The following CFTR variants were observed in gnomAD, a reference collection of about 807,000 sequenced individuals.
CFTR encodes CF transmembrane conductance regulator, also known as cystic fibrosis transmembrane conductance regulator.
Under a neutral mutation model 171.6 loss-of-function variants are expected in CFTR, and 181 were observed. The ratio of observed to expected loss-of-function variants is 1.05; its 90% CI spans 0.93 to 1.19. CFTR has a LOEUF of 1.19. CFTR is among the 50% of genes most tolerant of loss of function. CFTR has a pLI of 0.00. For missense variants in CFTR, 1,968 were observed against 1,734.7 expected (o/e 1.13, Z -2.39); for synonymous variants, 583 against 608.0 (o/e 0.96, Z 0.60).
Position 117,667,117 on chromosome 7 carries a change from A to G in CFTR, c.*9A>G, listed in dbSNP as rs751972142. On this transcript the variant is annotated 3_prime_UTR_variant, in exon 27 of 27. Coordinates refer to ENST00000003084, the MANE Select transcript of CFTR (RefSeq NM_000492.4). ...AAGATACAAGGCTTTAGAGAGCAGC[A>G]TAAATGTTGACATGGGACATTTGCT... 6.2e-7 allele frequency: 1 copy of G among 1,612,562 alleles called. No homozygotes were observed. The highest frequency in any genetic ancestry group is 8.5e-7 in the Non-Finnish European group (1 of 1,178,876).
At chr7:117,612,041 A>ATATATATATG (rs1792411132) in intron 20 of CFTR, among the ~76,000 whole-genome samples, 2 of 74,074 alleles carry the variant, frequency 2.7e-5, no homozygotes, top group Non-Finnish European at 5.6e-5. Context: ...ATATATATAT[A>ATATATATATG]TATATATATA....
At chr7:117,501,793 C>CAAAAAAAAAAAAAAAA (rs1798336773) in intron 1 of CFTR, among the ~76,000 whole-genome samples, 1 of 99,944 alleles carries the variant, frequency 1.0e-5, no homozygotes, top group African/African-American at 3.3e-5. Flanking sequence ...AAAAAAAAAA[C>CAAAAAAAAAAAAAAAA]AAAAAGCAAA....
At chr7:117,552,162 T>A (rs1348778226) in intron 10 of CFTR, among the ~76,000 whole-genome samples, 1 of 152,106 alleles carries the variant, frequency 6.6e-6, no homozygotes, top group East Asian at 1.9e-4. Flanking sequence ...TAGGTCTTAC[T>A]CTGTCACCCA....
chr7:117,509,492 T>C (rs564070249), intron 3 of CFTR, among the ~76,000 whole-genome samples: 1 of 152,172 alleles, frequency 6.6e-6, no homozygotes, highest in Admixed American at 6.6e-5. Context: ...CAGGAGACAA[T>C]GTCAGCAGAA....
At chr7:117,492,869 A>G (rs1318264211) in intron 1 of CFTR, among the ~76,000 whole-genome samples, 1 of 152,024 alleles carries the variant, frequency 6.6e-6, no homozygotes, top group East Asian at 1.9e-4. Flanking sequence ...ATTTCAATGC[A>G]TTTGAGGTTT....
intron 1 of CFTR, among the ~76,000 whole-genome samples, chr7:117,481,632 T>A (rs1001344360): frequency 9.2e-5 from 14 of 152,222 alleles, no homozygotes; most frequent in African/African-American, 3.4e-4. Context: ...AAGAGCATAC[T>A]CATTTCTGTT....
chr7:117,571,503 T>C (rs1192148158), intron 11 of CFTR, among the ~76,000 whole-genome samples: 1 of 152,094 alleles, frequency 6.6e-6, no homozygotes, highest in Non-Finnish European at 1.5e-5. Context: ...CTAAAAAGCT[T>C]TCAGAAACCA....
chr7:117,601,404 A>G lies in CFTR; in HGVS notation c.2620-1422A>G, dbSNP rs185037191. On this transcript the variant is annotated intron_variant, in intron 15 of 26. Transcript: ENST00000003084. The stretch of plus-strand genomic sequence containing the variant: ...GTAGGAAAGTGAGAAAAATGCCATT[A>G]GATTTTTCATCGTTATACTATCTGA... Among the ~76,000 whole-genome samples the G allele has an allele frequency of 7.3e-3, 1,105 of 152,254 alleles. 9 individuals are homozygous for G. The highest frequency in any genetic ancestry group is 0.01 in the Non-Finnish European group (707 of 67,980).
At chr7:117,579,445 C>T (rs1791819508) in intron 11 of CFTR, among the ~76,000 whole-genome samples, 2 of 151,780 alleles carry the variant, frequency 1.3e-5, no homozygotes, top group African/African-American at 4.8e-5. Flanking sequence ...AATCCTGGCT[C>T]TATCATCTAT....
At chr7:117,490,659 C>T (rs1302300809) in intron 1 of CFTR, among the ~76,000 whole-genome samples, 3 of 152,218 alleles carry the variant, frequency 2.0e-5, no homozygotes, top group African/African-American at 4.8e-5. Flanking sequence ...AACCATCACT[C>T]TCTGTAAGCA....
chr7:117,632,618 G>C (rs1289233926), intron 22 of CFTR, among the ~76,000 whole-genome samples: 1 of 151,988 alleles, frequency 6.6e-6, no homozygotes, highest in Non-Finnish European at 1.5e-5. Flanking sequence ...ACGCCATTAG[G>C]TATAAAGGAG....
chr7:117,506,386 A>G (rs1798417591), intron 2 of CFTR, among the ~76,000 whole-genome samples: 1 of 152,040 alleles, frequency 6.6e-6, no homozygotes, highest in Non-Finnish European at 1.5e-5. Flanking sequence ...AGCTGGGTTT[A>G]CAGGCACTCG....
chr7:117,572,515 A>G (rs2115976563), intron 11 of CFTR, among the ~76,000 whole-genome samples: 1 of 152,328 alleles, frequency 6.6e-6, no homozygotes, highest in Admixed American at 6.5e-5. Flanking sequence ...GTTGATAGAT[A>G]TCATACAGGG....
At chr7:117,522,519 T>C (rs1274404888) in intron 3 of CFTR, among the ~76,000 whole-genome samples, 1 of 152,250 alleles carries the variant, frequency 6.6e-6, no homozygotes, top group African/African-American at 2.4e-5. Context: ...TCTTCTATTA[T>C]TGAAGTGAGC....
At chr7:117,612,045 A>ATG (rs1792412422) in intron 20 of CFTR, among the ~76,000 whole-genome samples, 2 of 73,344 alleles carry the variant, frequency 2.7e-5, no homozygotes, top group South Asian at 3.9e-4. Context: ...ATATATATAT[A>ATG]TATATATACA....
intron 1 of CFTR, among the ~76,000 whole-genome samples, chr7:117,491,022 G>A (rs1182772311): frequency 1.3e-5 from 2 of 151,940 alleles, no homozygotes; most frequent in African/African-American, 4.8e-5. Context: ...CAATTTTATC[G>A]TTGTGAGAAT....
intron 20 of CFTR, among the ~76,000 whole-genome samples, chr7:117,613,539 T>C (rs1303806166): frequency 6.6e-6 from 1 of 152,160 alleles, no homozygotes; most frequent in Non-Finnish European, 1.5e-5. Flanking sequence ...TCCAAAACAC[T>C]TAGTATAGTG....
At chr7:117,544,429 C>T (rs1462953278) in intron 9 of CFTR, among the ~76,000 whole-genome samples, 2 of 152,146 alleles carry the variant, frequency 1.3e-5, no homozygotes, top group African/African-American at 2.4e-5. Context: ...ATCTGTTCAC[C>T]CCCAGTAGAT....
chr7:117,498,605 T>G (rs1301688873), intron 1 of CFTR, among the ~76,000 whole-genome samples: 1 of 152,148 alleles, frequency 6.6e-6, no homozygotes, highest in African/African-American at 2.4e-5. Context: ...TTGGATAAAA[T>G]AAATGTGACA....
Sources: gnomAD v4.1 joint callset for allele counts (sites outside exome capture counted in the v4.1 genomes callset) on GRCh38, gnomAD v4.1.1 for gene constraint, MANE v1.5 for transcripts, NCBI Gene and HGNC (gene_info 2026-07-23, HGNC 2026-07-21) for gene names.